RNF213: variants seen among roughly 807,000 people sequenced by gnomAD.
RNF213 encodes the protein ring finger protein 213.
RNF213 carries 341 observed loss-of-function variants against 514.4 expected under a neutral mutation model. The observed-to-expected ratio is 0.66, with a 90% CI of 0.61 to 0.73. The LOEUF is 0.73. Among genes scored for constraint, RNF213 ranks in the 30% least tolerant of loss-of-function variants. RNF213 has a pLI of 0.00. For missense variants in RNF213, 5,767 were observed against 6,615.6 expected (o/e 0.87, Z 4.45); for synonymous variants, 2,655 against 2,658.2 (o/e 1.00, Z 0.04).
chr17:80,298,906 G>A, intron 11 of RNF213: 1 of 287,820 alleles, frequency 3.5e-6, no homozygotes, highest in Non-Finnish European at 6.8e-6. Flanking sequence ...TAGAACCCGG[G>A]AGGTGGAGGT....
rs2080338746 is a variant in RNF213, at chr17:80,388,703, A to G, written c.15000+14A>G. 2 of 1,584,942 alleles carry G rather than the reference A, an allele frequency of 1.3e-6. No homozygotes were observed. The highest frequency in any genetic ancestry group is 2.2e-5 in the East Asian group (1 of 44,770). Reference sequence around the variant, plus strand: ...AAAATGGCACAGGTGATCCCGATAAACCTGATCCTGTGCACGGGGCTTTCT... The same window carrying G: ...AAAATGGCACAGGTGATCCCGATAAGCCTGATCCTGTGCACGGGGCTTTCT... On this transcript the variant is annotated intron_variant, in intron 64 of 67. Coordinates refer to ENST00000582970, the MANE Select transcript of RNF213 (RefSeq NM_001256071.3).
chr17:80,273,476 C>T, intron 3 of RNF213, 72 bp downstream of exon 3: 1 of 1,590,838 alleles, frequency 6.3e-7, no homozygotes, highest in Non-Finnish European at 8.5e-7. Context: ...CACAGCTGCC[C>T]AGCTAGCCCC....
chr17:80,368,129 T>C lies in RNF213; in HGVS notation c.12141T>C (p.Val4047=). ...TALPDEFSPA[V]SQAHREAIEK... is the part of the protein sequence containing the mutation. ...TGCCAGACGAATTCTCTCCAGCTGT[T>C]TCCCAAGCGCACAGGTACAACACCC... Residue 4047 remains valine (V), a synonymous_variant, in exon 44 of 68, where the codon GTT becomes GTC. Coordinates refer to ENST00000582970, the MANE Select transcript of RNF213 (RefSeq NM_001256071.3). The C allele has an allele frequency of 1.2e-6, 2 of 1,614,220 alleles. No individual in the cohort carries two copies. Among genetic ancestry groups the C allele is most frequent in the Non-Finnish European group, 8.5e-7 (1 of 1,180,016 alleles).
In RNF213 at chr17:80,295,575, C is replaced by G. The variant is rs1397183187; in HGVS notation, c.1774C>G (p.Gln592Glu). The G allele has an allele frequency of 5.0e-6, 8 of 1,614,014 alleles. No individual in the cohort carries two copies. Among genetic ancestry groups the G allele is most frequent in the Non-Finnish European group, 6.8e-6 (8 of 1,180,022 alleles). Residue 592 changes from glutamine (Q) to glutamate (E), a missense_variant, in exon 10 of 68, where the codon CAA becomes GAA. Physicochemically the swap from Gln to Glu is conservative, Grantham distance 29. Coordinates refer to ENST00000582970, the MANE Select transcript of RNF213 (RefSeq NM_001256071.3). The part of the protein sequence containing the change: ...REKEVKRYLW[Q>E]HLKKHVVPLP... The stretch of plus-strand genomic sequence containing the variant: ...CCATCAGGTGAAGAGATACCTGTGG[C>G]AACATCTGAAAAAACACGTGGTACC...
intron 2 of RNF213, among the ~76,000 whole-genome samples, chr17:80,267,784 AT>A (rs1303614610): frequency 6.6e-6 from 1 of 151,456 alleles, no homozygotes; most frequent in Non-Finnish European, 1.5e-5. Context: ...GGCTAAGGTT[AT>A]TGATGGAGGT....
intron 37 of RNF213, among the ~76,000 whole-genome samples, chr17:80,358,737 C>T (rs914208563): frequency 2.0e-5 from 3 of 152,094 alleles, no homozygotes; most frequent in Admixed American, 6.5e-5. Context: ...GGTGAAACCC[C>T]GTCTCTACTA....
rs756165303 is a variant in RNF213 at position 80,374,509 on chromosome 17, G to A, written c.12994G>A (p.Asp4332Asn). The change falls in exon 50 of 68, where the codon GAT (aspartate) becomes AAT (asparagine). Residue 4332 changes from aspartate (D) to asparagine (N), a missense_variant. Asp to Asn is a conservative substitution (Grantham distance 23, BLOSUM62 1). Transcript: ENST00000582970. ...GQMDRYLVYG[D>N]EYKALRDAVA... ...GATGGATAGGTACCTGGTGTACGGC[G>A]ATGAATACAAGGCTCTCCGTGATGC... 17 of 1,614,102 alleles carry A rather than the reference G, an allele frequency of 1.1e-5. No individual in the cohort carries two copies. Among genetic ancestry groups the A allele is most frequent in the East Asian group, 6.7e-5 (3 of 44,902 alleles).
chr17:80,274,124 T>C (rs2043930914), intron 3 of RNF213, among the ~76,000 whole-genome samples: 1 of 152,068 alleles, frequency 6.6e-6, no homozygotes, highest in Non-Finnish European at 1.5e-5. Context: ...TGCGCTTCTG[T>C]AGGCCTCTGC....
intron 15 of RNF213, 103 bp downstream of exon 15, chr17:80,313,270 G>A (rs2045633217): frequency 4.2e-6 from 6 of 1,430,566 alleles, no homozygotes; most frequent in Admixed American, 1.7e-5. Context: ...GCAGTTGTTG[G>A]CCTTCACCTG....
At chr17:80,381,149 T>C (rs2079983644) in intron 56 of RNF213, 162 bp downstream of exon 56, 2 of 773,912 alleles carry the variant, frequency 2.6e-6, no homozygotes, top group Non-Finnish European at 4.4e-6. Flanking sequence ...TTTCCCCCTG[T>C]GGCGTATGAT....
chr17:80,374,047 G>A (rs1320268092), intron 49 of RNF213, among the ~76,000 whole-genome samples: 2 of 151,670 alleles, frequency 1.3e-5, no homozygotes, highest in South Asian at 2.1e-4. Context: ...CCTCTCAGTG[G>A]TCCTTTCCAG....
Position 80,377,627 on chromosome 17 carries a change from A to G in RNF213, c.13511-135A>G, listed in dbSNP as rs2144565804. Reference sequence around the variant, plus strand: ...AGGCAGGTGTCATGTAACTTAACAAATTAGCGTGGGATGCTCTGGACAGTC... The same window carrying G: ...AGGCAGGTGTCATGTAACTTAACAAGTTAGCGTGGGATGCTCTGGACAGTC... On this transcript the variant is annotated intron_variant, in intron 53 of 67. Coordinates refer to ENST00000582970, the MANE Select transcript of RNF213 (RefSeq NM_001256071.3). The surrounding 1 kb of genome is among the most constrained non-coding windows in gnomAD (Gnocchi z 4.1). The G allele has an allele frequency of 2.1e-6, 2 of 930,392 alleles. No individual in the cohort carries two copies. Among genetic ancestry groups the G allele is most frequent in the Middle Eastern group, 2.1e-4 (1 of 4,712 alleles). The allele number at this position is 930,392 out of a possible 1,614,324, so 57.6% of individuals were successfully genotyped here.
At position 80,315,784 on chromosome 17, in the gene RNF213, G is replaced by GAGGTACTGGAGGTGA. The variant is rs1568059824; in HGVS notation, c.2812-1404_2812-1403insAGGTACTGGAGGTGA. 5.7e-4 allele frequency: 25 copies of GAGGTACTGGAGGTGA among 44,138 alleles called. 11 individuals carry two copies. Among genetic ancestry groups the GAGGTACTGGAGGTGA allele is most frequent in the Non-Finnish European group, 9.7e-4 (19 of 19,642 alleles). 2.7% of individuals were successfully genotyped at this position (44,138 alleles called of 1,614,324 possible). A position where few individuals can be genotyped will look rare whatever the true frequency, so the allele number is the denominator to read the frequency against. ...AGTGGTGATGCTGGTGGTGGTGGTG[G>GAGGTACTGGAGGTGA]TGGTGGTGGTGGTGGTGGAGGTGGT... On this transcript the variant is annotated intron_variant, in intron 15 of 67. Coordinates refer to ENST00000582970, the MANE Select transcript of RNF213 (RefSeq NM_001256071.3).
At chr17:80,308,479 TCCTCCTAAGTCCCCTCCTGAGTC>T in intron 13 of RNF213, among the ~76,000 whole-genome samples, 1 of 144,042 alleles carries the variant, frequency 6.9e-6, no homozygotes, top group Admixed American at 6.8e-5. Context: ...CTCCTAAGCC[TCCTCCTAAGTCCCCTCCTGAGTC>T]CCTCCTAAGG....
chr17:80,310,245 A>G (rs1012603167), intron 14 of RNF213, among the ~76,000 whole-genome samples: 1 of 151,884 alleles, frequency 6.6e-6, no homozygotes, highest in African/African-American at 2.4e-5. Flanking sequence ...TTTAATGTTT[A>G]GACTGATCAT....
intron 14 of RNF213, among the ~76,000 whole-genome samples, chr17:80,312,386 G>T (rs907852111): frequency 4.6e-5 from 7 of 152,134 alleles, no homozygotes; most frequent in Non-Finnish European, 1.5e-5. Context: ...ACGGAGGCGG[G>T]GGGAGAGCAT....
At chr17:80,328,206 G>A (rs2046327972) in intron 19 of RNF213, 122 bp from the exon 20 acceptor site, 2 of 1,266,686 alleles carry the variant, frequency 1.6e-6, no homozygotes, top group Non-Finnish European at 2.1e-6. Context: ...AAGTGGGTAT[G>A]CGCAAAACCA....
intron 20 of RNF213, among the ~76,000 whole-genome samples, chr17:80,329,739 G>A (rs1316366326): frequency 6.6e-6 from 1 of 152,186 alleles, no homozygotes; most frequent in African/African-American, 2.4e-5. Context: ...GCTGAGGCAG[G>A]AGGATCACTT....
At chr17:80,334,934 T>G (rs1429067584) in intron 22 of RNF213, among the ~76,000 whole-genome samples, 1 of 150,638 alleles carries the variant, frequency 6.6e-6, no homozygotes, top group Non-Finnish European at 1.5e-5. Flanking sequence ...CCTTTTTTTT[T>G]TTTTGAGACG....
Sources: gnomAD v4.1 joint callset for allele counts (sites outside exome capture counted in the v4.1 genomes callset) on GRCh38, gnomAD v4.1.1 for gene constraint, Gnocchi (gnomAD v3.1) non-coding constraint, MANE v1.5 for transcripts, NCBI Gene and HGNC (gene_info 2026-07-23, HGNC 2026-07-21) for gene names.